Variants in ADCY5 observed in about 807,000 individuals in gnomAD.
ADCY5 encodes the protein adenylate cyclase 5.
In ADCY5, 30 loss-of-function variants were observed where a neutral mutation model predicts 119.7. That is an observed-to-expected ratio of 0.25 (90% confidence interval 0.19 to 0.34). The LOEUF (loss-of-function observed/expected upper bound fraction) is 0.34, where lower values mean the gene tolerates loss of function less well. Among genes scored for constraint, ADCY5 ranks in the 10% least tolerant of loss-of-function variants. The pLI is 1.00. For missense variants in ADCY5, 1,324 were observed against 1,775.2 expected (o/e 0.75, Z 4.57); for synonymous variants, 753 against 762.2 (o/e 0.99, Z 0.20).
At chr3:123,303,464 C>T (rs951520019) in intron 13 of ADCY5, among the ~76,000 whole-genome samples, 3 of 146,702 alleles carry the variant, frequency 2.0e-5, no homozygotes, top group African/African-American at 7.3e-5. Context: ...GGGACATTCC[C>T]TAAACTCTTC....
At chr3:123,396,705 AGGGAGG>A in intron 1 of ADCY5, among the ~76,000 whole-genome samples, 1 of 144,472 alleles carries the variant, frequency 6.9e-6, no homozygotes, top group Non-Finnish European at 1.5e-5. Flanking sequence ...AGAGAGAGGG[AGGGAGG>A]GAGAGAGAAG....
chr3:123,426,181 G>A (rs1451588440), intron 1 of ADCY5, among the ~76,000 whole-genome samples: 5 of 152,270 alleles, frequency 3.3e-5, no homozygotes, highest in South Asian at 2.1e-4. Flanking sequence ...AGGGCAGGGC[G>A]CTTGCCAAGG....
In ADCY5 at chr3:123,300,300, G is replaced by A. The variant is rs768091053; in HGVS notation, c.2725-5C>T. ...CAGCACGCTGTAGGTGAAGTACTGC[G>A]GGCAGAGGGCAGCAGCATCAGCTCC... On this transcript the variant is annotated splice_region_variant and splice_polypyrimidine_tract_variant and intron_variant, in intron 14 of 20. Coordinates refer to ENST00000462833, the MANE Select transcript of ADCY5 (RefSeq NM_183357.3). 7.4e-6 allele frequency: 12 copies of A among 1,612,572 alleles called. No homozygotes were observed. Among genetic ancestry groups the A allele is most frequent in the East Asian group, 2.2e-5 (1 of 44,880 alleles).
intron 1 of ADCY5, among the ~76,000 whole-genome samples, chr3:123,432,735 C>T (rs1945546069): frequency 1.3e-5 from 2 of 152,118 alleles, no homozygotes; most frequent in African/African-American, 4.8e-5. Flanking sequence ...CTATGTAGCC[C>T]AGGCTGGTCT....
chr3:123,430,710 G>A (rs546100547), intron 1 of ADCY5, among the ~76,000 whole-genome samples: 1 of 152,278 alleles, frequency 6.6e-6, no homozygotes, highest in South Asian at 2.1e-4. Flanking sequence ...GTGGTCATTC[G>A]TGGAGGATTT....
At chr3:123,427,718 G>A (rs1945441742) in intron 1 of ADCY5, among the ~76,000 whole-genome samples, 1 of 152,110 alleles carries the variant, frequency 6.6e-6, no homozygotes, top group Non-Finnish European at 1.5e-5. Context: ...GCAAGATGTG[G>A]GTGACAATAT....
Position 123,436,826 on chromosome 3 carries a change from G to C in ADCY5, c.1134+10586C>G, listed in dbSNP as rs114552714. Reference sequence around the variant, plus strand: ...TAAGCACATGCTATCAAATGGAAGAGAGAGGCCCAAGGCAGGGCCAGGGAT... The same window carrying C: ...TAAGCACATGCTATCAAATGGAAGACAGAGGCCCAAGGCAGGGCCAGGGAT... On this transcript the variant is annotated intron_variant, in intron 1 of 20. Coordinates refer to ENST00000462833, the MANE Select transcript of ADCY5 (RefSeq NM_183357.3). Among the ~76,000 whole-genome samples the C allele has an allele frequency of 3.3e-3, 509 of 152,298 alleles. 1 individual carries two copies. Among genetic ancestry groups the C allele is most frequent in the African/African-American group, 0.012 (493 of 41,564 alleles).
At chr3:123,422,287 G>A (rs141607231) in intron 1 of ADCY5, among the ~76,000 whole-genome samples, 1 of 152,258 alleles carries the variant, frequency 6.6e-6, no homozygotes, top group East Asian at 1.9e-4. Context: ...AAAAACTGAG[G>A]GTAGGCACAG....
At chr3:123,415,378 A>G (rs1945163182) in intron 1 of ADCY5, among the ~76,000 whole-genome samples, 1 of 152,144 alleles carries the variant, frequency 6.6e-6, no homozygotes, top group Non-Finnish European at 1.5e-5. Flanking sequence ...TGGGCCCGCC[A>G]GGTGTCAGTG....
At chr3:123,302,486 A>G (rs188915456) in intron 14 of ADCY5, among the ~76,000 whole-genome samples, 2 of 152,216 alleles carry the variant, frequency 1.3e-5, no homozygotes, top group South Asian at 4.2e-4. Flanking sequence ...CTGGTTTGGG[A>G]CTGGGTTCCT....
intron 1 of ADCY5, among the ~76,000 whole-genome samples, chr3:123,379,676 G>A (rs59845827): frequency 0.16 from 23,909 of 151,740 alleles, 2,026 homozygotes; most frequent in East Asian, 0.36. Flanking sequence ...GCACAGAGCG[G>A]GGGTGGGTGT....
chr3:123,380,796 C>A (rs1944005512), intron 1 of ADCY5, among the ~76,000 whole-genome samples: 1 of 152,216 alleles, frequency 6.6e-6, no homozygotes. Context: ...TCATCAACAT[C>A]ATTACCGCTG....
At chr3:123,314,053 C>T (rs1400869450) in intron 12 of ADCY5, among the ~76,000 whole-genome samples, 182 bp downstream of exon 12, 1 of 152,206 alleles carries the variant, frequency 6.6e-6, no homozygotes, top group Non-Finnish European at 1.5e-5. Flanking sequence ...TGACCATTTG[C>T]CAGACTCCAG....
chr3:123,337,968 C>T (rs887256955), intron 3 of ADCY5, among the ~76,000 whole-genome samples: 7 of 152,170 alleles, frequency 4.6e-5, no homozygotes, highest in South Asian at 2.1e-4. Context: ...GACAGGAGCC[C>T]ATGAAGTCCA....
rs1233997734 is a variant in ADCY5 at position 123,448,188 on chromosome 3, G to A, written c.358C>T (p.Arg120Trp). ...GTGCTGCCCCCGCTGGCCGCGCCCC[G>A]CCGCTGCCGGCGGCTGCCGCGACCG... ...DCGRGSRRQR[R>W]GAASGGSTRA... The change falls in exon 1 of 21, where the codon CGG becomes TGG. Residue 120 changes from arginine (R) to tryptophan (W), a missense_variant. Around this residue, in one of 6 missense-constraint regions of ADCY5, gnomAD observed 585 missense variants for 569.9 expected, o/e 1.03. Coordinates refer to ENST00000462833, the MANE Select transcript of ADCY5 (RefSeq NM_183357.3). The A allele has an allele frequency of 4.1e-6, 5 of 1,217,120 alleles. No individual in the cohort carries two copies. The highest frequency in any genetic ancestry group is 1.6e-5 in the African/African-American group (1 of 62,990). 75.4% of individuals were successfully genotyped at this position (1,217,120 alleles called of 1,614,324 possible).
intron 1 of ADCY5, among the ~76,000 whole-genome samples, chr3:123,396,532 A>AAAAGAAAGAAAGAAAGAAAG (rs370071235): frequency 1.2e-3 from 172 of 137,890 alleles, no homozygotes; most frequent in African/African-American, 4.6e-3. Flanking sequence ...AGAGAGAAAG[A>AAAAGAAAGAAAGAAAGAAAG]AAAGAAAGAA....
intron 1 of ADCY5, among the ~76,000 whole-genome samples, chr3:123,441,278 AT>A (rs1945717027): frequency 1.3e-5 from 2 of 152,226 alleles, no homozygotes; most frequent in Middle Eastern, 6.8e-3. Context: ...GTGAATCTGC[AT>A]TTTTTCAAAA....
chr3:123,341,049 CAGG>C (rs759432416), intron 3 of ADCY5, among the ~76,000 whole-genome samples: 31 of 152,158 alleles, frequency 2.0e-4, no homozygotes, highest in Non-Finnish European at 3.8e-4. Context: ...TGCTTGAACC[CAGG>C]AGGCAGAGGT....
chr3:123,301,448 C>T (rs765846503), intron 14 of ADCY5, among the ~76,000 whole-genome samples: 8 of 152,168 alleles, frequency 5.3e-5, no homozygotes, highest in Non-Finnish European at 8.8e-5. Context: ...CCCAGAGCCT[C>T]AGTCTTTGGG....
Sources: gnomAD v4.1 joint callset for allele counts (sites outside exome capture counted in the v4.1 genomes callset) on GRCh38, gnomAD v4.1.1 for gene constraint, gnomAD v4.1.1 regional missense constraint, MANE v1.5 for transcripts, NCBI Gene and HGNC (gene_info 2026-07-23, HGNC 2026-07-21) for gene names.